SYNE2: variants seen among roughly 807,000 people sequenced by gnomAD.
The protein encoded by SYNE2 is spectrin repeat containing nuclear envelope protein 2, also known as nesprin-2.
A neutral mutation model predicts 856.3 loss-of-function variants in SYNE2; 431 were observed. The observed-to-expected ratio is 0.50, with a 90% CI of 0.47 to 0.55. The LOEUF is 0.55. Among genes scored for constraint, SYNE2 ranks in the 20% least tolerant of loss-of-function variants. The probability of loss-of-function intolerance (pLI) is 0.00; values close to 1 mark genes in which losing one functional copy is unlikely to be tolerated. For synonymous variants in SYNE2, 2,923 were observed against 2,872.3 expected, an observed-to-expected ratio of 1.02 and a Z score of -0.56; for missense variants, 8,129 against 8,023.2, an observed-to-expected ratio of 1.01 and a Z score of -0.50.
intron 78 of SYNE2, 70 bp from the exon 79 acceptor site, chr14:64,137,717 C>A: frequency 6.7e-7 from 1 of 1,491,800 alleles, no homozygotes; most frequent in African/African-American, 1.4e-5. Context: ...GTTTTAAATG[C>A]AGTATTTGTG....
chr14:63,813,469 A>G (rs1023505162), intron 1 of SYNE2, among the ~76,000 whole-genome samples: 3 of 152,166 alleles, frequency 2.0e-5, no homozygotes, highest in Admixed American at 1.3e-4. Context: ...CCAATTTTCC[A>G]CCCTTGTGAC....
intron 55 of SYNE2, among the ~76,000 whole-genome samples, chr14:64,078,947 C>T (rs551898858): frequency 1.8e-4 from 27 of 152,136 alleles, no homozygotes; most frequent in Admixed American, 7.9e-4. Context: ...TGGCACAAGA[C>T]TGCAATTCTA....
intron 100 of SYNE2, among the ~76,000 whole-genome samples, chr14:64,203,774 T>C (rs899150767): frequency 6.6e-6 from 1 of 152,250 alleles, no homozygotes; most frequent in South Asian, 2.1e-4. Flanking sequence ...ATTCTCAGAC[T>C]TGAATCTGTT....
rs1250891599 is a variant in SYNE2 at position 63,883,843 on chromosome 14, A to G, written c.-51-25255A>G. Among the ~76,000 whole-genome samples, 3 of 150,974 alleles carry G rather than the reference A, an allele frequency of 2.0e-5. No homozygotes were observed. In the South Asian group the frequency reaches 6.3e-4, roughly 32 times the overall value. Reference sequence around the variant, plus strand: ...AAATGTAGCCTTGGTTATATTGCTTATAATACAGAAGCTGGTGAATTTTTT... The same window carrying G: ...AAATGTAGCCTTGGTTATATTGCTTGTAATACAGAAGCTGGTGAATTTTTT... On this transcript the variant is annotated intron_variant, in intron 1 of 115. Coordinates refer to ENST00000555002, the MANE Select transcript of SYNE2 (RefSeq NM_182914.3).
intron 63 of SYNE2, among the ~76,000 whole-genome samples, chr14:64,101,298 C>CT (rs2097727341): frequency 6.6e-6 from 1 of 151,994 alleles, no homozygotes; most frequent in African/African-American, 2.4e-5. Context: ...TCATTTTTAT[C>CT]TTTTTTATAT....
At chr14:64,016,394 T>C (rs1289178610) in intron 32 of SYNE2, 79 bp from the exon 33 acceptor site, 3 of 959,388 alleles carry the variant, frequency 3.1e-6, no homozygotes, top group Non-Finnish European at 4.7e-6. Context: ...TTAAGCTCAA[T>C]ATCCAACAAT....
intron 18 of SYNE2, among the ~76,000 whole-genome samples, chr14:63,985,283 T>G (rs895181236): frequency 2.0e-5 from 3 of 147,384 alleles, no homozygotes; most frequent in Non-Finnish European, 4.4e-5. Flanking sequence ...TGAGCCAAGA[T>G]TGCACCACCG....
rs113291922 is a variant in SYNE2, at chr14:64,159,078, CT to C, written c.15964-224del. On this transcript the variant is annotated intron_variant, in intron 86 of 115. Coordinates refer to ENST00000555002, the MANE Select transcript of SYNE2 (RefSeq NM_182914.3). ...TTTAAGGTTTTGGTTTTTGAGTGGC[CT>C]TTTTTTTTTCAGTATGCCTAAGTGC... is the stretch of plus-strand genomic sequence containing the variant. Among the ~76,000 whole-genome samples the C allele has an allele frequency of 3.5e-4, 51 of 145,578 alleles. 1 individual carries two copies. Among genetic ancestry groups the C allele is most frequent in the African/African-American group, 1.1e-3 (43 of 39,598 alleles).
intron 32 of SYNE2, among the ~76,000 whole-genome samples, chr14:64,016,266 T>A (rs1567059151): frequency 6.6e-6 from 1 of 152,096 alleles, no homozygotes; most frequent in Admixed American, 6.6e-5. Context: ...GAGTATAGGG[T>A]TAACATTGAA....
chr14:63,972,560 A>G (rs534540434), intron 11 of SYNE2, among the ~76,000 whole-genome samples: 1 of 152,290 alleles, frequency 6.6e-6, no homozygotes, highest in African/African-American at 2.4e-5. Flanking sequence ...ATCATAGTAA[A>G]TGGTTTCATA....
intron 94 of SYNE2, among the ~76,000 whole-genome samples, chr14:64,172,313 T>C (rs949312216): frequency 2.0e-5 from 3 of 152,186 alleles, no homozygotes; most frequent in African/African-American, 7.2e-5. Flanking sequence ...GCTTGGGGTC[T>C]CTCAGGCAGT....
At chr14:64,102,105 C>A (rs1266996686) in intron 64 of SYNE2, 63 bp downstream of exon 64, 9 of 1,174,118 alleles carry the variant, frequency 7.7e-6, no homozygotes, top group Non-Finnish European at 1.1e-5. Flanking sequence ...GCAGGGATCT[C>A]TTTCTGCACG....
chr14:63,873,774 GCTTCCTCACT>G (rs2094646409), intron 1 of SYNE2: 1 of 152,206 alleles, frequency 6.6e-6, no homozygotes, highest in African/African-American at 2.4e-5. Context: ...TGGCACCATT[GCTTCCTCACT>G]GAACTGTGGA....
intron 87 of SYNE2, 109 bp downstream of exon 87, chr14:64,159,551 GT>G (rs1247393404): frequency 2.3e-6 from 3 of 1,277,800 alleles, no homozygotes; most frequent in Non-Finnish European, 3.3e-6. Context: ...GAGATGACTG[GT>G]TTCCTACTGT....
chr14:64,175,097 C>A lies in SYNE2; in HGVS notation c.17389C>A (p.Gln5797Lys). Residue 5797 changes from glutamine (Q) to lysine (K), a missense_variant, in exon 95 of 116, where the codon CAG (glutamine) becomes AAG (lysine). Physicochemically the swap from Gln to Lys is moderately conservative, Grantham distance 53. Transcript: ENST00000555002. The part of the protein sequence containing the change: ...LQDSWKDMEP[Q>K]LAEMIKQFQS... Reference sequence around the variant, plus strand: ...GGACAGCTGGAAAGACATGGAGCCCCAGCTGGCAGAGATGATTAAGCAGTT... The same window carrying A: ...GGACAGCTGGAAAGACATGGAGCCCAAGCTGGCAGAGATGATTAAGCAGTT... 1 of 1,614,118 alleles carries A rather than the reference C, an allele frequency of 6.2e-7. No individual in the cohort carries two copies. The highest frequency in any genetic ancestry group is 1.1e-5 in the South Asian group (1 of 91,078).
At chr14:64,006,508 A>G (rs1594812513) in intron 30 of SYNE2, among the ~76,000 whole-genome samples, 1 of 152,086 alleles carries the variant, frequency 6.6e-6, no homozygotes, top group African/African-American at 2.4e-5. Flanking sequence ...TATATTTATT[A>G]TATTTATTTA....
chr14:64,117,512 G>A (rs1465963587), intron 66 of SYNE2, among the ~76,000 whole-genome samples: 2 of 152,044 alleles, frequency 1.3e-5, no homozygotes, highest in Admixed American at 6.6e-5. Flanking sequence ...GCCCAGGCTG[G>A]TCTCAAACTC....
intron 11 of SYNE2, among the ~76,000 whole-genome samples, chr14:63,970,660 T>C (rs986635105): frequency 2.1e-5 from 3 of 143,214 alleles, no homozygotes; most frequent in Non-Finnish European, 3.1e-5. Context: ...TCTTTTTTTT[T>C]TTTTTTTTTT....
At chr14:64,144,004 C>G in intron 83 of SYNE2, 56 bp downstream of exon 83, 1 of 1,605,682 alleles carries the variant, frequency 6.2e-7, no homozygotes, top group Non-Finnish European at 8.5e-7. Context: ...AACACACTTT[C>G]TGAAAAATCA....
Sources: allele counts gnomAD v4.1 joint callset (sites outside exome capture counted in the v4.1 genomes callset), GRCh38; gene constraint gnomAD v4.1.1; transcripts MANE v1.5; gene names NCBI Gene and HGNC (gene_info 2026-07-23, HGNC 2026-07-21).